Variants in PAQR4 observed in about 807,000 individuals in gnomAD.
The protein encoded by PAQR4 is progestin and adipoQ receptor family member IV.
A neutral mutation model predicts 20.9 loss-of-function variants in PAQR4; 26 were observed. The observed-to-expected ratio is 1.24, with a 90% CI of 0.91 to 1.73. The LOEUF is 1.73. Among genes scored for constraint, PAQR4 ranks in the 40% most tolerant of loss-of-function variants. PAQR4 has a pLI of 0.00. For missense variants in PAQR4, 400 were observed against 380.1 expected (o/e 1.05, Z -0.44); for synonymous variants, 193 against 171.6 (o/e 1.12, Z -0.97).
In PAQR4 at chr16:2,973,255, T is replaced by C. The variant is rs1385892103; in HGVS notation, c.*1307T>C. On this transcript the variant is annotated 3_prime_UTR_variant, in exon 3 of 3. Transcript: ENST00000318782. ...GCGAGACAAGGAGGGTGTCCAGGGC[T>C]AGGGAGTGCCGGATGAAACCAGCTC... is the stretch of plus-strand genomic sequence containing the variant. 1.3e-6 allele frequency: 2 copies of C among 1,483,316 alleles called. No homozygotes were observed. Among genetic ancestry groups the C allele is most frequent in the Non-Finnish European group, 1.8e-6 (2 of 1,114,882 alleles). 91.9% of individuals were successfully genotyped at this position (1,483,316 alleles called of 1,614,324 possible).
chr16:2,972,506 C>T lies in PAQR4; in HGVS notation c.*558C>T. 1 of 1,073,630 alleles carries T rather than the reference C, an allele frequency of 9.3e-7. No individual in the cohort carries two copies. The highest frequency in any genetic ancestry group is 1.6e-5 in the South Asian group (1 of 62,740). 66.5% of individuals were successfully genotyped at this position (1,073,630 alleles called of 1,614,324 possible). Reference sequence around the variant, plus strand: ...CCGTCTTGTACCAGCTGGCCACAGGCACAAGGGCTGCAGCTGCTTCTTCCA... The same window carrying T: ...CCGTCTTGTACCAGCTGGCCACAGGTACAAGGGCTGCAGCTGCTTCTTCCA... On this transcript the variant is annotated 3_prime_UTR_variant, in exon 3 of 3. Transcript: ENST00000318782.
At position 2,969,654 on chromosome 16, in the gene PAQR4, G is replaced by C; in HGVS notation, c.-21G>C. ...AGGCTCGGGGACAGCAGGAGCACGG[G>C]CTGCCCGCGCGGTGCGGACCATGGC... is the stretch of plus-strand genomic sequence containing the variant. On this transcript the variant is annotated 5_prime_UTR_variant, in exon 1 of 3. Transcript: ENST00000318782. 1 of 1,502,538 alleles carries C rather than the reference G, an allele frequency of 6.7e-7. No individual in the cohort carries two copies. Among genetic ancestry groups the C allele is most frequent in the Non-Finnish European group, 8.9e-7 (1 of 1,128,000 alleles). The allele number at this position is 1,502,538 out of a possible 1,614,324, so 93.1% of individuals were successfully genotyped here.
At position 2,972,384 on chromosome 16, in the gene PAQR4, GCCCT is replaced by G. The variant is rs2072020077; in HGVS notation, c.*440_*443del. On this transcript the variant is annotated 3_prime_UTR_variant, in exon 3 of 3. Transcript: ENST00000318782. ...CTCCATCTTTCTGCCCTGCATACCA[GCCCT>G]CCCAGCAGCCACAAGCTTGCCCGCC... is the stretch of plus-strand genomic sequence containing the variant. The G allele has an allele frequency of 1.8e-6, 1 of 545,896 alleles. No homozygotes were observed. 33.8% of individuals were successfully genotyped at this position (545,896 alleles called of 1,614,324 possible). A position where few individuals can be genotyped will look rare whatever the true frequency, so the allele number is the denominator to read the frequency against.
At position 2,971,832 on chromosome 16, in the gene PAQR4, T is replaced by G. The variant is rs1455938449; in HGVS notation, c.706T>G (p.Trp236Gly). The G allele has an allele frequency of 6.2e-7, 1 of 1,612,590 alleles. No individual in the cohort carries two copies. Among genetic ancestry groups the G allele is most frequent in the Non-Finnish European group, 8.5e-7 (1 of 1,179,892 alleles). The stretch of plus-strand genomic sequence containing the variant: ...CTGGGGACCTGGCCGCTTTGACTAC[T>G]GGGGCAACTCCCACCAGATCATGCA... The part of the protein sequence containing the change: ...ERWGPGRFDY[W>G]GNSHQIMHLL... The change falls in exon 3 of 3, where the codon TGG becomes GGG. Residue 236 changes from tryptophan to glycine, a missense_variant. Trp to Gly is a radical substitution (Grantham distance 184, BLOSUM62 -2). Coordinates refer to ENST00000318782, the MANE Select transcript of PAQR4 (RefSeq NM_152341.5).
rs1187546530 is a variant in PAQR4 at position 2,972,983 on chromosome 16, G to A, written c.*1035G>A. The stretch of plus-strand genomic sequence containing the variant: ...TTGGGTCTAGGGTGTCCTCAAACAG[G>A]CTGAGGAGGTTCCGAGGCTCAAAGG... On this transcript the variant is annotated 3_prime_UTR_variant, in exon 3 of 3. Transcript: ENST00000318782. The A allele has an allele frequency of 2.5e-6, 4 of 1,609,860 alleles. No individual in the cohort carries two copies. The African/African-American group carries it at 4.0e-5, about 16-fold the overall frequency.
chr16:2,972,815 C>T lies in PAQR4; in HGVS notation c.*867C>T, dbSNP rs948763327. 3.9e-6 allele frequency: 6 copies of T among 1,538,000 alleles called. No individual in the cohort carries two copies. In the African/African-American group the frequency reaches 4.1e-5, roughly 11 times the overall value. ...GTTGCCACATGAGCAAGCTTGGGTGCTCCCAAGGTTCAAATACTTTTTATT... is the reference window on the plus strand; with the variant it reads ...GTTGCCACATGAGCAAGCTTGGGTGTTCCCAAGGTTCAAATACTTTTTATT... On this transcript the variant is annotated 3_prime_UTR_variant, in exon 3 of 3. Coordinates refer to ENST00000318782, the MANE Select transcript of PAQR4 (RefSeq NM_152341.5).
At position 2,972,925 on chromosome 16, in the gene PAQR4, T is replaced by A. The variant is rs1203785918; in HGVS notation, c.*977T>A. 6.3e-7 allele frequency: 1 copy of A among 1,579,810 alleles called. No individual in the cohort carries two copies. The highest frequency in any genetic ancestry group is 1.8e-4 in the Middle Eastern group (1 of 5,432). ...GACGGGAGAGACACAGGATAAAAGG[T>A]TAAAAGTGCAGAGGCAGAGTCTGGG... On this transcript the variant is annotated 3_prime_UTR_variant, in exon 3 of 3. Transcript: ENST00000318782.
intron 1 of PAQR4, chr16:2,970,082 T>G: frequency 3.8e-6 from 2 of 532,720 alleles, no homozygotes; most frequent in East Asian, 3.6e-5. Context: ...GCCTGCTTAA[T>G]CCCTCTGAGC....
At chr16:2,970,835 G>C in intron 1 of PAQR4, 1 of 519,368 alleles carries the variant, frequency 1.9e-6, no homozygotes, top group Non-Finnish European at 3.5e-6. Context: ...GAGCAGTGTG[G>C]GAGTGGGACG....
chr16:2,969,908 T>TGAGGCCGAGGAGGGCCCC, intron 1 of PAQR4, 68 bp downstream of exon 1: 1 of 1,584,330 alleles, frequency 6.3e-7, no homozygotes, highest in Non-Finnish European at 8.6e-7. Flanking sequence ...CCGGGGGCAC[T>TGAGGCCGAGGAGGGCCCC]GAGGCCGAGG....
rs2072027036 is a variant in PAQR4 at position 2,972,637 on chromosome 16, G to C, written c.*689G>C. 6.5e-7 allele frequency: 1 copy of C among 1,535,500 alleles called. No individual in the cohort carries two copies. The highest frequency in any genetic ancestry group is 8.7e-7 in the Non-Finnish European group (1 of 1,146,784). On this transcript the variant is annotated 3_prime_UTR_variant, in exon 3 of 3. Coordinates refer to ENST00000318782, the MANE Select transcript of PAQR4 (RefSeq NM_152341.5). Reference sequence around the variant, plus strand: ...TCCCAACAGCTCCAGGTACCCACCGGGGGATGTGCCTGCTCAGGAAACCTC... The same window carrying C: ...TCCCAACAGCTCCAGGTACCCACCGCGGGATGTGCCTGCTCAGGAAACCTC...
chr16:2,969,611 G>A lies in PAQR4; in HGVS notation c.-64G>A. 1 of 1,389,772 alleles carries A rather than the reference G, an allele frequency of 7.2e-7. No individual in the cohort carries two copies. The highest frequency in any genetic ancestry group is 9.3e-7 in the Non-Finnish European group (1 of 1,077,650). 86.1% of individuals were successfully genotyped at this position (1,389,772 alleles called of 1,614,324 possible). On this transcript the variant is annotated 5_prime_UTR_variant, in exon 1 of 3. Coordinates refer to ENST00000318782, the MANE Select transcript of PAQR4 (RefSeq NM_152341.5). The stretch of plus-strand genomic sequence containing the variant: ...AGGCAGTGATGGGCCTTCCCGCGCT[G>A]CGGCCCCACTGAGGAGGAGGCTCGG...
chr16:2,971,509 G>C lies in PAQR4; in HGVS notation c.389-6G>C. 2.5e-6 allele frequency: 4 copies of C among 1,581,274 alleles called. No individual in the cohort carries two copies. The highest frequency in any genetic ancestry group is 3.4e-6 in the Non-Finnish European group (4 of 1,168,020). On this transcript the variant is annotated splice_region_variant and splice_polypyrimidine_tract_variant and intron_variant, in intron 2 of 2. Coordinates refer to ENST00000318782, the MANE Select transcript of PAQR4 (RefSeq NM_152341.5). The stretch of plus-strand genomic sequence containing the variant: ...ATGCCCTCTCCTGTTCTCTCCTCTT[G>C]TGCAGGGGCCCTGCCCATCATCCAC...
chr16:2,972,939 G>T lies in PAQR4; in HGVS notation c.*991G>T, dbSNP rs1421978804. Reference sequence around the variant, plus strand: ...AGGATAAAAGGTTAAAAGTGCAGAGGCAGAGTCTGGGGCTCAGGTTGGGTC... The same window carrying T: ...AGGATAAAAGGTTAAAAGTGCAGAGTCAGAGTCTGGGGCTCAGGTTGGGTC... On this transcript the variant is annotated 3_prime_UTR_variant, in exon 3 of 3. Transcript: ENST00000318782. 5 of 1,592,978 alleles carry T rather than the reference G, an allele frequency of 3.1e-6. No individual in the cohort carries two copies. Among genetic ancestry groups the T allele is most frequent in the Admixed American group, 1.8e-5 (1 of 56,224 alleles).
chr16:2,972,758 G>C lies in PAQR4; in HGVS notation c.*810G>C. On this transcript the variant is annotated 3_prime_UTR_variant, in exon 3 of 3. Coordinates refer to ENST00000318782, the MANE Select transcript of PAQR4 (RefSeq NM_152341.5). ...CAGCCTCAGGGGCGTTAAGACCCTG[G>C]ATGACATCAATAAAGGGACAGGAAG... 6.5e-7 allele frequency: 1 copy of C among 1,538,914 alleles called. No individual in the cohort carries two copies. The highest frequency in any genetic ancestry group is 8.7e-7 in the Non-Finnish European group (1 of 1,146,746).
rs774389710 is a variant in PAQR4, at chr16:2,969,690, G to A, written c.16G>A (p.Gly6Arg). The A allele has an allele frequency of 4.4e-6, 7 of 1,577,338 alleles. No individual in the cohort carries two copies. The highest frequency in any genetic ancestry group is 1.7e-4 in the Middle Eastern group (1 of 5,904). The change falls in exon 1 of 3, where the codon GGG (glycine) becomes AGG (arginine). Residue 6 changes from glycine to arginine, a missense_variant. Gly to Arg is a moderately radical substitution (Grantham distance 125). Coordinates refer to ENST00000318782, the MANE Select transcript of PAQR4 (RefSeq NM_152341.5). MAFLA[G>R]PRLLDWASSP... is the part of the protein sequence containing the mutation. ...GGTGCGGACCATGGCGTTCCTGGCC[G>A]GGCCGCGCCTGCTGGACTGGGCCAG...
chr16:2,970,151 T>G, intron 1 of PAQR4: 1 of 297,984 alleles, frequency 3.4e-6, no homozygotes, highest in Non-Finnish European at 6.3e-6. Context: ...GGGAACCCCC[T>G]CCCGCCAGCA....
Position 2,969,785 on chromosome 16 carries a change from C to A in PAQR4, c.111C>A (p.Gly37=). Residue 37 remains glycine (G), a synonymous_variant, in exon 1 of 3, where the codon GGC becomes GGA. Coordinates refer to ENST00000318782, the MANE Select transcript of PAQR4 (RefSeq NM_152341.5). The stretch of plus-strand genomic sequence containing the variant: ...ACCGGCCCGCCAGCAGCGGCTCGGG[C>A]TGCCTGCGCAGCCTCTTCTACCTGC... ...TGYRPASSGS[G]CLRSLFYLHN... 1.2e-6 allele frequency: 2 copies of A among 1,602,874 alleles called. No homozygotes were observed. The highest frequency in any genetic ancestry group is 1.7e-6 in the Non-Finnish European group (2 of 1,176,002).
In PAQR4 at chr16:2,972,116, C is replaced by T. The variant is rs763103075; in HGVS notation, c.*168C>T. On this transcript the variant is annotated 3_prime_UTR_variant, in exon 3 of 3. Coordinates refer to ENST00000318782, the MANE Select transcript of PAQR4 (RefSeq NM_152341.5). ...CCTGTGGACTGACCTCTTCCACCCA[C>T]GCCGTGGCGCTCCAACTTCCTTCCC... 3.8e-5 allele frequency: 25 copies of T among 660,242 alleles called. No individual in the cohort carries two copies. The highest frequency in any genetic ancestry group is 9.1e-5 in the African/African-American group (5 of 54,930). 40.9% of individuals were successfully genotyped at this position (660,242 alleles called of 1,614,324 possible). A position where few individuals can be genotyped will look rare whatever the true frequency, so the allele number is the denominator to read the frequency against.
Sources: allele counts gnomAD v4.1 joint callset, GRCh38; gene constraint gnomAD v4.1.1; transcripts MANE v1.5; gene names NCBI Gene and HGNC (gene_info 2026-07-23, HGNC 2026-07-21).